The following CATSPERE variants were observed in gnomAD, a reference collection of about 807,000 sequenced individuals.
The protein encoded by CATSPERE is cation channel sperm-associated auxiliary subunit epsilon.
A neutral mutation model predicts 114.1 loss-of-function variants in CATSPERE; 93 were observed. The observed-to-expected ratio is 0.81, with a 90% CI of 0.69 to 0.97. The LOEUF is 0.97. CATSPERE is among the 50% of genes least tolerant of loss of function. The pLI is 0.00. For synonymous variants in CATSPERE, 341 were observed against 384.1 expected, an observed-to-expected ratio of 0.89 and a Z score of 1.31; for missense variants, 1,058 against 1,131.6, an observed-to-expected ratio of 0.93 and a Z score of 0.93.
At chr1:244,534,559 C>T (rs3005969) in intron 8 of CATSPERE, among the ~76,000 whole-genome samples, 132,481 of 152,042 alleles carry the variant, frequency 0.87, 58,644 homozygotes, top group East Asian at 1. Context: ...TAAGAGACTC[C>T]GATGCATTCT....
At chr1:244,599,123 G>A (rs1448330263) in intron 17 of CATSPERE, among the ~76,000 whole-genome samples, 3 of 152,038 alleles carry the variant, frequency 2.0e-5, no homozygotes, top group Admixed American at 2.0e-4. Context: ...AGGTGGTTTC[G>A]ACCCACATCC....
intron 11 of CATSPERE, among the ~76,000 whole-genome samples, chr1:244,577,440 A>C (rs997002954): frequency 1.3e-5 from 2 of 152,242 alleles, no homozygotes; most frequent in African/African-American, 4.8e-5. Flanking sequence ...ATCTTAGTCC[A>C]TTTGGGCTAC....
intron 7 of CATSPERE, among the ~76,000 whole-genome samples, chr1:244,514,979 G>A (rs185254185): frequency 6.6e-5 from 10 of 152,212 alleles, no homozygotes; most frequent in Admixed American, 5.9e-4. Context: ...AAAAAGCTGG[G>A]GAAAGGGTAC....
chr1:244,522,225 C>G (rs1420452571), intron 8 of CATSPERE, among the ~76,000 whole-genome samples: 1 of 152,140 alleles, frequency 6.6e-6, no homozygotes, highest in South Asian at 2.1e-4. Flanking sequence ...CAACCTGCTC[C>G]TGAATGACTA....
At position 244,552,617 on chromosome 1, in the gene CATSPERE, A is replaced by G. The variant is rs758331404; in HGVS notation, c.832A>G (p.Ile278Val). ...SWTRIRVPPD[I>V]LSDDERRSVA... ...GACCAGAATCAGAGTGCCTCCAGAC[A>G]TTCTGAGTGATGATGAAAGACGGAG... The change falls in exon 9 of 22, where the codon ATT becomes GTT. Residue 278 changes from isoleucine to valine, a missense_variant. Physicochemically the swap from Ile to Val is conservative, Grantham distance 29. This residue lies in a region of CATSPERE where 787 missense variants were observed against 905.6 expected (regional missense o/e 0.87). Transcript: ENST00000366534. 6.2e-7 allele frequency: 1 copy of G among 1,614,198 alleles called. No individual in the cohort carries two copies. The highest frequency in any genetic ancestry group is 1.1e-5 in the South Asian group (1 of 91,086).
intron 8 of CATSPERE, among the ~76,000 whole-genome samples, chr1:244,529,242 G>A (rs1300610857): frequency 6.6e-6 from 1 of 152,050 alleles, no homozygotes; most frequent in Admixed American, 6.6e-5. Context: ...AGCTTTTTGA[G>A]GAACTTCCAA....
rs114092113 is a variant in CATSPERE, at chr1:244,481,583, G to T, written c.326+1799G>T. 4.8e-3 allele frequency among the ~76,000 whole-genome samples: 725 copies of T among 152,288 alleles called. 10 individuals are homozygous for T. The highest frequency in any genetic ancestry group is 0.017 in the African/African-American group (703 of 41,556). On this transcript the variant is annotated intron_variant, in intron 5 of 21. Coordinates refer to ENST00000366534, the MANE Select transcript of CATSPERE (RefSeq NM_001130957.2). ...AGAGCTCTTGGGAACCATCAGAGAA[G>T]ATAATCTGTTGCCATAAGACTGTAT...
chr1:244,554,125 A>C (rs894969790), intron 9 of CATSPERE, among the ~76,000 whole-genome samples: 1 of 152,234 alleles, frequency 6.6e-6, no homozygotes. Context: ...TAGTGTTGCA[A>C]TAAACCTGCG....
chr1:244,545,216 A>T (rs1036287174), intron 8 of CATSPERE, among the ~76,000 whole-genome samples: 4 of 152,228 alleles, frequency 2.6e-5, no homozygotes, highest in Admixed American at 2.6e-4. Flanking sequence ...GTCCAGTGGC[A>T]TGAGACCTAT....
chr1:244,597,914 A>G (rs2148660017), intron 17 of CATSPERE, among the ~76,000 whole-genome samples: 1 of 152,338 alleles, frequency 6.6e-6, no homozygotes, highest in African/African-American at 2.4e-5. Context: ...CATTTTAGAT[A>G]CAGGGAATTC....
At chr1:244,539,707 T>C (rs1054448561) in intron 8 of CATSPERE, among the ~76,000 whole-genome samples, 8 of 128,852 alleles carry the variant, frequency 6.2e-5, no homozygotes, top group African/African-American at 2.0e-4. Context: ...CTTGGGAGAG[T>C]GTATGTGTCG....
rs531956881 is a variant in CATSPERE at position 244,491,606 on chromosome 1, A to G, written c.351+1135A>G. On this transcript the variant is annotated intron_variant, in intron 6 of 21. Coordinates refer to ENST00000366534, the MANE Select transcript of CATSPERE (RefSeq NM_001130957.2). ...AAATAACTAAAATCAGGCAGAACTGAGGGAAATAGAGACACAAAAAACCCT... is the reference window on the plus strand; with the variant it reads ...AAATAACTAAAATCAGGCAGAACTGGGGGAAATAGAGACACAAAAAACCCT... Among the ~76,000 whole-genome samples the G allele has an allele frequency of 1.1e-4, 16 of 152,324 alleles. No homozygotes were observed. In the East Asian group the frequency reaches 3.1e-3, roughly 29 times the overall value.
chr1:244,554,580 G>A lies in CATSPERE; in HGVS notation c.1029+1766G>A, dbSNP rs1661293413. Among the ~76,000 whole-genome samples the A allele has an allele frequency of 2.0e-5, 3 of 152,096 alleles. No individual in the cohort carries two copies. The South Asian group carries it at 6.2e-4, about 32-fold the overall frequency. ...ATAACAATAATAGCCATTCAACAGG[G>A]TAAAATGATATCTCATTGTGGTTTT... On this transcript the variant is annotated intron_variant, in intron 9 of 21. Transcript: ENST00000366534.
At chr1:244,499,995 C>T (rs1210256540) in intron 7 of CATSPERE, among the ~76,000 whole-genome samples, 1 of 152,220 alleles carries the variant, frequency 6.6e-6, no homozygotes, top group Non-Finnish European at 1.5e-5. Flanking sequence ...TCTGCATCCT[C>T]ACCAGCATCT....
rs538104484 is a variant in CATSPERE, at chr1:244,640,409, A to G, written c.*328A>G. 5.9e-6 allele frequency: 1 copy of G among 169,762 alleles called. No individual in the cohort carries two copies. Among genetic ancestry groups the G allele is most frequent in the South Asian group, 1.6e-4 (1 of 6,216 alleles). The allele number at this position is 169,762 out of a possible 1,614,324, so 10.5% of individuals were successfully genotyped here. On this transcript the variant is annotated 3_prime_UTR_variant, in exon 22 of 22. Transcript: ENST00000366534. ...TTTTTGAAAATATATCTATGTGTCA[A>G]GTATCATTTTGCATGAAACTTTTCA...
rs117092836 is a variant in CATSPERE, at chr1:244,455,873, A to G, written n.237+1260A>G. Among the ~76,000 whole-genome samples, 10 of 152,262 alleles carry G rather than the reference A, an allele frequency of 6.6e-5. No homozygotes were observed. In the East Asian group the frequency reaches 1.4e-3, roughly 21 times the overall value. On this transcript the variant is annotated intron_variant and non_coding_transcript_variant, in intron 1 of 15. Transcript: ENST00000473875. The stretch of plus-strand genomic sequence containing the variant: ...GATCCCTCTCAAAATCCAAGGCTCT[A>G]TTCTGTTTTGCATTGTGTTATCTGA...
At chr1:244,593,873 C>A (rs566869191) in intron 17 of CATSPERE, among the ~76,000 whole-genome samples, 10 of 152,296 alleles carry the variant, frequency 6.6e-5, no homozygotes, top group South Asian at 2.1e-4. Context: ...CCTACCAGCA[C>A]CCCTGCCTAT....
intron 5 of CATSPERE, among the ~76,000 whole-genome samples, chr1:244,489,155 G>A (rs1200270846): frequency 6.6e-6 from 1 of 152,102 alleles, no homozygotes; most frequent in East Asian, 1.9e-4. Context: ...ATAGAGACAC[G>A]TTCTTACTAT....
chr1:244,522,249 A>G (rs903014473), intron 8 of CATSPERE, among the ~76,000 whole-genome samples: 17 of 152,296 alleles, frequency 1.1e-4, no homozygotes, highest in Admixed American at 2.6e-4. Flanking sequence ...GGTACATAAC[A>G]AAATGAAGGC....
Sources: gnomAD v4.1 joint callset for allele counts (sites outside exome capture counted in the v4.1 genomes callset) on GRCh38, gnomAD v4.1.1 for gene constraint, gnomAD v4.1.1 regional missense constraint, MANE v1.5 for transcripts, NCBI Gene and HGNC (gene_info 2026-07-23, HGNC 2026-07-21) for gene names.